MPDZ: variants seen among roughly 807,000 people sequenced by gnomAD.
The protein encoded by MPDZ is multiple PDZ domain crumbs cell polarity complex component, also known as multiple PDZ domain protein.
MPDZ carries 234 observed loss-of-function variants against 239.1 expected under a neutral mutation model. The observed-to-expected ratio is 0.98, with a 90% CI of 0.88 to 1.09. MPDZ has a LOEUF of 1.09. MPDZ is among the 50% of genes least tolerant of loss of function. MPDZ has a pLI of 0.00. For synonymous variants in MPDZ, 1,048 were observed against 881.3 expected, an observed-to-expected ratio of 1.19 and a Z score of -3.35; for missense variants, 3,175 against 2,510.0, an observed-to-expected ratio of 1.26 and a Z score of -5.66.
In MPDZ at chr9:13,186,500, G is replaced by C. The variant is rs1954127827; in HGVS notation, c.2365-114C>G. ...AGGGGGGCGAGAAGAGAAAGAAATT[G>C]GAAAGTTTTCAAACGATATGACTTC... On this transcript the variant is annotated intron_variant, in intron 17 of 46. Transcript: ENST00000319217. 3.5e-5 allele frequency: 24 copies of C among 694,624 alleles called. No homozygotes were observed. The East Asian group carries it at 6.6e-4, about 19-fold the overall frequency. 43.0% of individuals were successfully genotyped at this position (694,624 alleles called of 1,614,324 possible). A position where few individuals can be genotyped will look rare whatever the true frequency, so the allele number is the denominator to read the frequency against.
At chr9:13,234,896 A>G (rs1963531796) in intron 3 of MPDZ, among the ~76,000 whole-genome samples, 1 of 152,152 alleles carries the variant, frequency 6.6e-6, no homozygotes, top group Non-Finnish European at 1.5e-5. Flanking sequence ...GAATTTACCA[A>G]AAATGCTGTA....
intron 12 of MPDZ, 119 bp downstream of exon 12, chr9:13,204,917 T>A (rs1956823380): frequency 6.8e-6 from 4 of 585,806 alleles, no homozygotes; most frequent in African/African-American, 2.0e-5. Flanking sequence ...AAACTTCACT[T>A]TTTGAAATTT....
At chr9:13,121,626 A>T (rs1586951706) in intron 38 of MPDZ, 113 bp downstream of exon 38, 1 of 1,064,818 alleles carries the variant, frequency 9.4e-7, no homozygotes, top group Non-Finnish European at 1.4e-6. Flanking sequence ...AACAACAGCT[A>T]CCTACTGAAC....
At chr9:13,191,682 T>C (rs1954950306) in intron 15 of MPDZ, among the ~76,000 whole-genome samples, 1 of 152,134 alleles carries the variant, frequency 6.6e-6, no homozygotes, top group Non-Finnish European at 1.5e-5. Flanking sequence ...CAGAGTTGGG[T>C]AGGTTATTTA....
rs377352804 is a variant in MPDZ at position 13,190,238 on chromosome 9, A to T, written c.2030T>A (p.Met677Lys). Residue 677 changes from methionine to lysine, a missense_variant, in exon 16 of 47, where the codon ATG becomes AAG. Met to Lys is a moderately conservative substitution (Grantham distance 95). Transcript: ENST00000319217. ...SSETEDPVLA[M>K]TDAGQSTEEV... ...TTCTGTACTCTGACCCGCATCAGTC[A>T]TCGCCAGCACTGGATCCTCTGTCTC... 21 of 1,612,548 alleles carry T rather than the reference A, an allele frequency of 1.3e-5. No homozygotes were observed. The African/African-American group carries it at 2.5e-4, about 19-fold the overall frequency.
At chr9:13,268,878 G>C (rs1972376298) in intron 1 of MPDZ, among the ~76,000 whole-genome samples, 1 of 152,206 alleles carries the variant, frequency 6.6e-6, no homozygotes. Context: ...AGGGACATTG[G>C]GGAGGGAGTT....
intron 32 of MPDZ, among the ~76,000 whole-genome samples, chr9:13,130,851 C>T (rs532551283): frequency 2.6e-5 from 4 of 152,234 alleles, no homozygotes; most frequent in Admixed American, 2.6e-4. Flanking sequence ...CTAGAAGGAA[C>T]ATACAGGCAT....
intron 1 of MPDZ, among the ~76,000 whole-genome samples, chr9:13,268,492 T>C (rs898955582): frequency 2.0e-5 from 3 of 152,122 alleles, no homozygotes; most frequent in Non-Finnish European, 4.4e-5. Context: ...AAAAGAAGAA[T>C]GAGGATAACT....
intron 29 of MPDZ, among the ~76,000 whole-genome samples, chr9:13,137,454 C>T (rs1946991115): frequency 6.6e-6 from 1 of 152,146 alleles, no homozygotes; most frequent in Non-Finnish European, 1.5e-5. Context: ...ACAAACAACA[C>T]AAGCAAATAA....
intron 41 of MPDZ, 24 bp from the exon 42 acceptor site, chr9:13,113,078 T>G (rs1192171731): frequency 6.5e-7 from 1 of 1,542,620 alleles, no homozygotes; most frequent in African/African-American, 1.4e-5. Flanking sequence ...AAAGATAAAA[T>G]AGGGTTATTT....
chr9:13,256,486 G>C (rs1420300824), intron 1 of MPDZ, among the ~76,000 whole-genome samples: 2 of 152,140 alleles, frequency 1.3e-5, no homozygotes, highest in Admixed American at 1.3e-4. Flanking sequence ...GGTTTAAAGT[G>C]AGAGGCATGC....
chr9:13,162,813 C>T lies in MPDZ; in HGVS notation c.3255-18G>A, dbSNP rs762225628. 1.3e-6 allele frequency: 2 copies of T among 1,524,002 alleles called. No homozygotes were observed. Among genetic ancestry groups the T allele is most frequent in the East Asian group, 2.3e-5 (1 of 43,704 alleles). 94.4% of individuals were successfully genotyped at this position (1,524,002 alleles called of 1,614,324 possible). A position where few individuals can be genotyped will look rare whatever the true frequency, so the allele number is the denominator to read the frequency against. ...AAGTAATTCTGGAACAAACCAGAATCCATGGAAGTGAAGGGAAATAATATT... is the reference window on the plus strand; with the variant it reads ...AAGTAATTCTGGAACAAACCAGAATTCATGGAAGTGAAGGGAAATAATATT... On this transcript the variant is annotated intron_variant, in intron 22 of 46. Coordinates refer to ENST00000319217, the MANE Select transcript of MPDZ (RefSeq NM_001378778.1).
At chr9:13,159,036 G>T (rs552146868) in intron 23 of MPDZ, among the ~76,000 whole-genome samples, 7 of 152,232 alleles carry the variant, frequency 4.6e-5, no homozygotes, top group African/African-American at 1.4e-4. Flanking sequence ...GATATTTACA[G>T]AAACTGAAGA....
chr9:13,197,603 G>T (rs1454895877), intron 12 of MPDZ, among the ~76,000 whole-genome samples: 1 of 151,816 alleles, frequency 6.6e-6, no homozygotes, highest in Non-Finnish European at 1.5e-5. Flanking sequence ...TATATTTTTT[G>T]TGTGTGTTGG....
chr9:13,211,739 A>G (rs1274568766), intron 10 of MPDZ, among the ~76,000 whole-genome samples: 1 of 152,120 alleles, frequency 6.6e-6, no homozygotes, highest in Non-Finnish European at 1.5e-5. Context: ...ATGTGCTTAC[A>G]TAACTACCTT....
At chr9:13,148,682 T>C (rs909874651) in intron 25 of MPDZ, among the ~76,000 whole-genome samples, 1 of 151,782 alleles carries the variant, frequency 6.6e-6, no homozygotes, top group Non-Finnish European at 1.5e-5. Flanking sequence ...TTTAAAAGGA[T>C]GTTAATTATC....
intron 19 of MPDZ, among the ~76,000 whole-genome samples, chr9:13,183,135 T>A (rs1420157747): frequency 6.6e-6 from 1 of 152,112 alleles, no homozygotes; most frequent in African/African-American, 2.4e-5. Flanking sequence ...TTGAGAAATA[T>A]ATGATGCTAA....
intron 3 of MPDZ, among the ~76,000 whole-genome samples, chr9:13,235,937 C>G (rs1203380622): frequency 2.0e-5 from 3 of 151,898 alleles, no homozygotes; most frequent in Non-Finnish European, 4.4e-5. Context: ...CAATAACCTA[C>G]CCAGTGTAAC....
intron 15 of MPDZ, among the ~76,000 whole-genome samples, chr9:13,191,064 G>A (rs955552481): frequency 9.2e-5 from 14 of 152,074 alleles, no homozygotes; most frequent in Admixed American, 2.0e-4. Context: ...CTAGTTTGTA[G>A]AATATCTTTG....
Sources: allele counts gnomAD v4.1 joint callset (sites outside exome capture counted in the v4.1 genomes callset), GRCh38; gene constraint gnomAD v4.1.1; transcripts MANE v1.5; gene names NCBI Gene and HGNC (gene_info 2026-07-23, HGNC 2026-07-21).